The following PDHB variants were observed in gnomAD, a reference collection of about 807,000 sequenced individuals.
PDHB encodes pyruvate dehydrogenase E1 component subunit beta, mitochondrial.
PDHB carries 17 observed loss-of-function variants against 42.8 expected under a neutral mutation model. That is an observed-to-expected ratio of 0.40 (90% CI 0.27 to 0.60). The LOEUF is 0.60. Ranked by LOEUF, PDHB falls within the 20% of genes least tolerant of loss-of-function variation. PDHB has a pLI of 0.46. For missense variants in PDHB, 322 were observed against 451.3 expected, an observed-to-expected ratio of 0.71 and a Z score of 2.60; for synonymous variants, 154 against 148.7, an observed-to-expected ratio of 1.04 and a Z score of -0.26.
chr3:58,430,094 TA>T (rs763209074), intron 7 of PDHB, 33 bp downstream of exon 7: 5 of 1,274,384 alleles, frequency 3.9e-6, no homozygotes, highest in Non-Finnish European at 5.7e-6. Flanking sequence ...GGGGCTGGAT[TA>T]AAAATACTGT....
chr3:58,432,287 A>G (rs1341105637), intron 2 of PDHB: 1 of 408,640 alleles, frequency 2.4e-6, no homozygotes, highest in East Asian at 5.6e-5. Context: ...AAGGAAGGAG[A>G]GGAGAATTAA....
At chr3:58,433,181 T>G in intron 2 of PDHB, 1 of 230,628 alleles carries the variant, frequency 4.3e-6, no homozygotes, top group Non-Finnish European at 8.6e-6. Context: ...ACAACAGGGG[T>G]TACCAGGGGT....
chr3:58,429,854 C>CAGTGGTGTAG, intron 7 of PDHB, 55 bp from the exon 8 acceptor site: 8 of 1,018,218 alleles, frequency 7.9e-6, no homozygotes, highest in Non-Finnish European at 1.1e-5. Context: ...AGATGCTACA[C>CAGTGGTGTAG]CACTGTGCCG....
rs773433623 is a variant in PDHB at position 58,433,619 on chromosome 3, C to T, written c.96+12G>A. On this transcript the variant is annotated intron_variant, in intron 2 of 9. Transcript: ENST00000302746. ...TCCCCGCCCTCGTCCGACGAGCACC[C>T]GCGCCTGTTACCTGCAGCGCAGCCG... is the stretch of plus-strand genomic sequence containing the variant. The T allele has an allele frequency of 3.2e-5, 52 of 1,607,882 alleles. No individual in the cohort carries two copies. In the Middle Eastern group the frequency reaches 6.7e-4, roughly 21 times the overall value.
At chr3:58,430,287 G>A in intron 6 of PDHB, 49 bp from the exon 7 acceptor site, 1 of 1,188,316 alleles carries the variant, frequency 8.4e-7, no homozygotes, top group Non-Finnish European at 1.2e-6. Flanking sequence ...CATCCAGAAT[G>A]ACTAAAACTG....
chr3:58,433,540 A>C, intron 2 of PDHB, 91 bp downstream of exon 2: 1 of 1,393,936 alleles, frequency 7.2e-7, no homozygotes, highest in Non-Finnish European at 9.9e-7. Context: ...ACGGCGCCGG[A>C]AGGCCACAGC....
chr3:58,431,806 G>A lies in PDHB; in HGVS notation c.205-13C>T. The stretch of plus-strand genomic sequence containing the variant: ...GCCCTCGACTAACCTACAATTAAGA[G>A]TTGATCCCTTAAGTGTATCTGGGGG... On this transcript the variant is annotated splice_polypyrimidine_tract_variant and intron_variant, in intron 3 of 9. Coordinates refer to ENST00000302746, the MANE Select transcript of PDHB (RefSeq NM_000925.4). The surrounding 1 kb of genome is among the most constrained non-coding windows in gnomAD (Gnocchi z 4.4). 1 of 1,612,434 alleles carries A rather than the reference G, an allele frequency of 6.2e-7. No individual in the cohort carries two copies. Among genetic ancestry groups the A allele is most frequent in the Non-Finnish European group, 8.5e-7 (1 of 1,178,470 alleles).
rs1217378109 is a variant in PDHB at position 58,428,410 on chromosome 3, T to TA, written c.934+62dup. 3 of 1,534,400 alleles carry TA rather than the reference T, an allele frequency of 2.0e-6. No homozygotes were observed. The South Asian group carries it at 3.4e-5, about 17-fold the overall frequency. On this transcript the variant is annotated intron_variant, in intron 9 of 9. Coordinates refer to ENST00000302746, the MANE Select transcript of PDHB (RefSeq NM_000925.4). ...GCTTTCAATCTCTTTATCCTGTACG[T>TA]ATTCAGGTACATGATGTTTACTATA... is the stretch of plus-strand genomic sequence containing the variant.
chr3:58,432,275 A>G (rs1054213446), intron 2 of PDHB: 1 of 424,806 alleles, frequency 2.4e-6, no homozygotes, highest in South Asian at 2.2e-5. Context: ...TCTAGTTAAA[A>G]AAAGGAAGGA....
Position 58,433,792 on chromosome 3 carries a change from G to C in PDHB, c.18C>G (p.Gly6=). The C allele has an allele frequency of 1.2e-6, 2 of 1,611,754 alleles. No individual in the cohort carries two copies. The highest frequency in any genetic ancestry group is 1.1e-5 in the South Asian group (1 of 90,780). Residue 6 remains glycine, a synonymous_variant, in exon 1 of 10, where the codon GGC becomes GGG. Coordinates refer to ENST00000302746, the MANE Select transcript of PDHB (RefSeq NM_000925.4). MAAVS[G]LVRRPLREVS... is the part of the protein sequence containing the mutation. ...CCTCCCGAAGGGGTCTCCGCACCAAGCCAGACACCGCCGCCATCTTGGTCG... is the reference window on the plus strand; with the variant it reads ...CCTCCCGAAGGGGTCTCCGCACCAACCCAGACACCGCCGCCATCTTGGTCG...
At chr3:58,433,579 G>A in intron 2 of PDHB, 52 bp downstream of exon 2, 1 of 1,565,668 alleles carries the variant, frequency 6.4e-7, no homozygotes, top group Non-Finnish European at 8.7e-7. Context: ...TCCTTCCCGA[G>A]AGAAGGGGGG....
chr3:58,428,018 G>A lies in PDHB; in HGVS notation c.*16C>T. On this transcript the variant is annotated 3_prime_UTR_variant, in exon 10 of 10. Coordinates refer to ENST00000302746, the MANE Select transcript of PDHB (RefSeq NM_000925.4). Reference sequence around the variant, plus strand: ...TATTTCAAATAAATTTCAACGACTTGATATTCAAGTCCAAACTAAATATTT... The same window carrying A: ...TATTTCAAATAAATTTCAACGACTTAATATTCAAGTCCAAACTAAATATTT... 11 of 1,574,750 alleles carry A rather than the reference G, an allele frequency of 7.0e-6. No individual in the cohort carries two copies. Among genetic ancestry groups the A allele is most frequent in the Non-Finnish European group, 9.6e-6 (11 of 1,144,854 alleles).
At chr3:58,433,350 G>A (rs1437934358) in intron 2 of PDHB, 9 of 588,688 alleles carry the variant, frequency 1.5e-5, no homozygotes, top group Non-Finnish European at 2.4e-5. Flanking sequence ...TTTAAGTTAG[G>A]TCTATTTTGC....
chr3:58,431,514 G>C lies in PDHB; in HGVS notation c.303+79C>G, dbSNP rs1576957793. 2 of 1,133,566 alleles carry C rather than the reference G, an allele frequency of 1.8e-6. No homozygotes were observed. Among genetic ancestry groups the C allele is most frequent in the Middle Eastern group, 2.9e-4 (1 of 3,486 alleles). 70.2% of individuals were successfully genotyped at this position (1,133,566 alleles called of 1,614,324 possible). A position where few individuals can be genotyped will look rare whatever the true frequency, so the allele number is the denominator to read the frequency against. ...CCAGTGCACTCCAGGCTGGACAACAGAGTGAGACTCTGTCTCAAAAGAAAA... is the reference window on the plus strand; with the variant it reads ...CCAGTGCACTCCAGGCTGGACAACACAGTGAGACTCTGTCTCAAAAGAAAA... On this transcript the variant is annotated intron_variant, in intron 5 of 9. Coordinates refer to ENST00000302746, the MANE Select transcript of PDHB (RefSeq NM_000925.4). This position sits in a 1 kb window ranked among gnomAD's most constrained non-coding sequence, Gnocchi z 4.4.
Position 58,428,127 on chromosome 3 carries a change from A to G in PDHB, c.987T>C (p.Asp329=), listed in dbSNP as rs2107936296. 6.2e-7 allele frequency: 1 copy of G among 1,613,324 alleles called. No homozygotes were observed. The highest frequency in any genetic ancestry group is 1.1e-5 in the South Asian group (1 of 91,080). The change falls in exon 10 of 10, where the codon GAT becomes GAC. Residue 329 remains aspartate (D), a synonymous_variant. Coordinates refer to ENST00000302746, the MANE Select transcript of PDHB (RefSeq NM_000925.4). ...GAATCTTTGCATAAGGCATAGGGAC[A>G]TCAGCACCAGTGACACGAACAGCAG... ...DAPAVRVTGA[D]VPMPYAKILE...
intron 9 of PDHB, 45 bp downstream of exon 9, chr3:58,428,428 T>C: frequency 6.3e-7 from 1 of 1,599,086 alleles, no homozygotes; most frequent in Non-Finnish European, 8.6e-7. Context: ...TACATGATGT[T>C]TACTATAGCT....
At position 58,431,365 on chromosome 3, in the gene PDHB, A is replaced by G. The variant is rs2062918711; in HGVS notation, c.303+228T>C. On this transcript the variant is annotated intron_variant, in intron 5 of 9. Transcript: ENST00000302746. This position sits in a 1 kb window ranked among gnomAD's most constrained non-coding sequence, Gnocchi z 4.4. ...GGAGTTCAAGACCAGCCTGGCCAAC[A>G]TGGTAAAACCCCATCTCTACTAAAA... 9.5e-6 allele frequency: 5 copies of G among 528,846 alleles called. No homozygotes were observed. Among genetic ancestry groups the G allele is most frequent in the Admixed American group, 6.4e-5 (2 of 31,302 alleles). The allele number at this position is 528,846 out of a possible 1,614,324, so 32.8% of individuals were successfully genotyped here. A position where few individuals can be genotyped will look rare whatever the true frequency, so the allele number is the denominator to read the frequency against.
intron 8 of PDHB, chr3:58,428,924 G>A (rs533543785): frequency 1.1e-4 from 36 of 329,820 alleles, no homozygotes; most frequent in African/African-American, 6.5e-4. Context: ...GCGTGATCTC[G>A]GCTCACTGCC....
chr3:58,430,109 T>C lies in PDHB; in HGVS notation c.700+19A>G. Reference sequence around the variant, plus strand: ...GGGGCTGGATTAAAAATACTGTTTATATATCTTAGTTTTCTTACCTTGCCT... The same window carrying C: ...GGGGCTGGATTAAAAATACTGTTTACATATCTTAGTTTTCTTACCTTGCCT... On this transcript the variant is annotated intron_variant, in intron 7 of 9. Transcript: ENST00000302746. The C allele has an allele frequency of 7.4e-7, 1 of 1,352,416 alleles. No homozygotes were observed. The highest frequency in any genetic ancestry group is 1.1e-6 in the Non-Finnish European group (1 of 941,632). 83.8% of individuals were successfully genotyped at this position (1,352,416 alleles called of 1,614,324 possible).
Sources: allele counts gnomAD v4.1 joint callset, GRCh38; gene constraint gnomAD v4.1.1; non-coding constraint Gnocchi (gnomAD v3.1); transcripts MANE v1.5; gene names NCBI Gene and HGNC (gene_info 2026-07-23, HGNC 2026-07-21).